The following TMEM132D variants were observed in gnomAD, a reference collection of about 807,000 sequenced individuals.
The protein encoded by TMEM132D is transmembrane protein 132D.
A neutral mutation model predicts 62.3 loss-of-function variants in TMEM132D; 21 were observed. The ratio of observed to expected loss-of-function variants is 0.34; its 90% confidence interval spans 0.24 to 0.49. The LOEUF (loss-of-function observed/expected upper bound fraction) is 0.49. Among genes scored for constraint, TMEM132D ranks in the 20% least tolerant of loss-of-function variants. The pLI, the probability that TMEM132D is intolerant of heterozygous loss-of-function variation, is 0.99. For synonymous variants in TMEM132D, 621 were observed against 575.6 expected (o/e 1.08, Z -1.13); for missense variants, 1,346 against 1,402.8 (o/e 0.96, Z 0.65).
chr12:129,574,663 C>T (rs1877608377), intron 2 of TMEM132D, among the ~76,000 whole-genome samples: 1 of 151,684 alleles, frequency 6.6e-6, no homozygotes, highest in Non-Finnish European at 1.5e-5. Flanking sequence ...GGTGAGGTAT[C>T]CAGGCTCACA....
intron 3 of TMEM132D, among the ~76,000 whole-genome samples, chr12:129,500,116 C>A (rs1008245075): frequency 1.3e-5 from 2 of 149,146 alleles, no homozygotes; most frequent in Non-Finnish European, 3.0e-5. Flanking sequence ...ATCTGTCCCC[C>A]ACTTCAGTCG....
chr12:129,185,180 T>A (rs1878187320), intron 5 of TMEM132D, among the ~76,000 whole-genome samples: 1 of 152,180 alleles, frequency 6.6e-6, no homozygotes, highest in Non-Finnish European at 1.5e-5. Context: ...AGACCATCTG[T>A]ATGACCTCAC....
chr12:129,814,692 G>A (rs1281792359), intron 1 of TMEM132D, among the ~76,000 whole-genome samples: 3 of 150,684 alleles, frequency 2.0e-5, no homozygotes, highest in Admixed American at 6.6e-5. Context: ...ATTGAACTCA[G>A]CTAGGCTTCT....
At chr12:129,835,285 G>A (rs559143068) in intron 1 of TMEM132D, among the ~76,000 whole-genome samples, 1 of 152,170 alleles carries the variant, frequency 6.6e-6, no homozygotes, top group South Asian at 2.1e-4. Flanking sequence ...GGGGTTTTGA[G>A]GGGTTCGTCT....
chr12:129,156,352 C>T (rs1174717938), intron 5 of TMEM132D, among the ~76,000 whole-genome samples: 1 of 152,096 alleles, frequency 6.6e-6, no homozygotes, highest in Non-Finnish European at 1.5e-5. Context: ...CCAACTCACT[C>T]CCAAGATAAA....
At chr12:129,755,385 G>A (rs913943327) in intron 1 of TMEM132D, among the ~76,000 whole-genome samples, 3 of 152,130 alleles carry the variant, frequency 2.0e-5, no homozygotes, top group African/African-American at 7.2e-5. Flanking sequence ...ACACTTTCGA[G>A]TAGTATGCTT....
chr12:129,289,285 T>C (rs1881383008), intron 4 of TMEM132D, among the ~76,000 whole-genome samples: 1 of 152,096 alleles, frequency 6.6e-6, no homozygotes. Context: ...GGCTCACACC[T>C]GTAATCCCAG....
At chr12:129,222,978 T>C (rs1167098034) in intron 4 of TMEM132D, among the ~76,000 whole-genome samples, 1 of 152,140 alleles carries the variant, frequency 6.6e-6, no homozygotes, top group Non-Finnish European at 1.5e-5. Flanking sequence ...CATTTCACAA[T>C]GTATATATGT....
At chr12:129,844,366 C>T (rs1468338307) in intron 1 of TMEM132D, among the ~76,000 whole-genome samples, 3 of 152,144 alleles carry the variant, frequency 2.0e-5, no homozygotes. Context: ...GCCAGGTGGG[C>T]ATTTGACCTG....
chr12:129,274,289 C>A (rs182361692), intron 4 of TMEM132D, among the ~76,000 whole-genome samples: 1 of 152,228 alleles, frequency 6.6e-6, no homozygotes, highest in Non-Finnish European at 1.5e-5. Context: ...GCCCCTGCAG[C>A]AGCATTCTTG....
intron 1 of TMEM132D, among the ~76,000 whole-genome samples, chr12:129,749,459 G>T (rs1026497779): frequency 6.4e-5 from 7 of 109,358 alleles, no homozygotes; most frequent in African/African-American, 9.4e-5. Flanking sequence ...GAAGTGAAAA[G>T]AATCTTTTTT....
At chr12:129,156,136 C>G (rs1016140691) in intron 5 of TMEM132D, among the ~76,000 whole-genome samples, 4 of 151,766 alleles carry the variant, frequency 2.6e-5, no homozygotes, top group Non-Finnish European at 5.9e-5. Flanking sequence ...CAACTCACTC[C>G]AAAGAAAAAT....
In TMEM132D at chr12:129,779,717, G is replaced by A. The variant is rs183973329; in HGVS notation, c.80-79019C>T. Among the ~76,000 whole-genome samples, 4 of 152,234 alleles carry A rather than the reference G, an allele frequency of 2.6e-5. No individual in the cohort carries two copies. In the East Asian group the frequency reaches 7.7e-4, roughly 29 times the overall value. ...CCACCCATTTTTAGACACAGCTCTT[G>A]TTCTGGCGAGTCTCATTACTTATGG... On this transcript the variant is annotated intron_variant, in intron 1 of 8. Transcript: ENST00000422113. The surrounding 1 kb of genome is among the most constrained non-coding windows in gnomAD (Gnocchi z 4.1).
At chr12:129,437,586 T>C (rs1012305291) in intron 3 of TMEM132D, among the ~76,000 whole-genome samples, 2 of 152,168 alleles carry the variant, frequency 1.3e-5, no homozygotes, top group African/African-American at 2.4e-5. Context: ...GTGATGAGAA[T>C]TCTCTTACAC....
chr12:129,628,642 C>T (rs1221020782), intron 2 of TMEM132D, among the ~76,000 whole-genome samples: 1 of 152,122 alleles, frequency 6.6e-6, no homozygotes, highest in African/African-American at 2.4e-5. Flanking sequence ...GGGAATCATT[C>T]AGTGGACAAG....
At chr12:129,314,558 C>T (rs932858013) in intron 4 of TMEM132D, among the ~76,000 whole-genome samples, 2 of 152,140 alleles carry the variant, frequency 1.3e-5, no homozygotes, top group African/African-American at 2.4e-5. Flanking sequence ...TAGTGTGATG[C>T]CTCCAGATTT....
intron 1 of TMEM132D, among the ~76,000 whole-genome samples, chr12:129,784,164 C>T (rs574262740): frequency 3.3e-5 from 5 of 152,308 alleles, no homozygotes; most frequent in African/African-American, 9.6e-5. Flanking sequence ...CTTTGGAAGA[C>T]CTGGTAACTG....
At chr12:129,375,972 C>G (rs1870768293) in intron 3 of TMEM132D, among the ~76,000 whole-genome samples, 1 of 152,168 alleles carries the variant, frequency 6.6e-6, no homozygotes, top group African/African-American at 2.4e-5. Flanking sequence ...CCCAAGGAAT[C>G]TTACAAGCAC....
At chr12:129,128,114 C>T (rs1227882231) in intron 5 of TMEM132D, among the ~76,000 whole-genome samples, 2 of 152,158 alleles carry the variant, frequency 1.3e-5, no homozygotes. Flanking sequence ...GCTGCATGTA[C>T]AAACTTGGAA....
Sources: allele counts gnomAD v4.1 joint callset (sites outside exome capture counted in the v4.1 genomes callset), GRCh38; gene constraint gnomAD v4.1.1; non-coding constraint Gnocchi (gnomAD v3.1); transcripts MANE v1.5; gene names NCBI Gene and HGNC (gene_info 2026-07-23, HGNC 2026-07-21).